The following COMMD7 variants were observed in gnomAD, a reference collection of about 807,000 sequenced individuals.
The protein encoded by COMMD7 is COMM domain containing 7.
In COMMD7, 28 loss-of-function variants were observed where a neutral mutation model predicts 34.8. The observed-to-expected ratio is 0.80, with a 90% CI of 0.60 to 1.10. The LOEUF (loss-of-function observed/expected upper bound fraction) is 1.10. Ranked by LOEUF, COMMD7 falls within the 50% of genes least tolerant of loss-of-function variation. The probability of loss-of-function intolerance (pLI) is 0.00; values close to 1 mark genes in which losing one functional copy is unlikely to be tolerated. For missense variants in COMMD7, 211 were observed against 241.6 expected (o/e 0.87, Z 0.84); for synonymous variants, 80 against 86.4 (o/e 0.93, Z 0.41).
chr20:32,722,836 A>G (rs1985254662), intron 3 of COMMD7, among the ~76,000 whole-genome samples: 1 of 151,200 alleles, frequency 6.6e-6, no homozygotes, highest in African/African-American at 2.4e-5. Flanking sequence ...CCTGGCTAAC[A>G]CGGTGAAACC....
rs1039267538 is a variant in COMMD7 at position 32,741,524 on chromosome 20, G to A, written c.84+1784C>T. ...TCCTGCCTTAGCCTCCAGAGTAGCC[G>A]GGACTACAAGTGCCCGCCACTACAC... On this transcript the variant is annotated intron_variant, in intron 1 of 8. Coordinates refer to ENST00000278980, the MANE Select transcript of COMMD7 (RefSeq NM_053041.3). Among the ~76,000 whole-genome samples the A allele has an allele frequency of 7.3e-5, 11 of 151,436 alleles. No individual in the cohort carries two copies. The East Asian group carries it at 7.8e-4, about 11-fold the overall frequency.
chr20:32,734,461 G>A (rs1986029842), intron 1 of COMMD7, among the ~76,000 whole-genome samples: 2 of 151,774 alleles, frequency 1.3e-5, no homozygotes, highest in Admixed American at 1.3e-4. Context: ...GACAGAGCTT[G>A]ACTCCGTCTC....
At chr20:32,706,210 A>AG (rs1555822275) in intron 5 of COMMD7, among the ~76,000 whole-genome samples, 6 of 151,716 alleles carry the variant, frequency 4.0e-5, no homozygotes, top group South Asian at 2.1e-4. Flanking sequence ...AAAAAAAAAA[A>AG]AAAGAAAGAA....
intron 1 of COMMD7, among the ~76,000 whole-genome samples, chr20:32,728,393 A>G (rs1985642381): frequency 6.6e-6 from 1 of 152,044 alleles, no homozygotes; most frequent in African/African-American, 2.4e-5. Flanking sequence ...CTGTAAGCAT[A>G]TGCACTCAGA....
intron 8 of COMMD7, 42 bp from the exon 9 acceptor site, chr20:32,703,500 C>T (rs1427854275): frequency 1.3e-6 from 2 of 1,586,910 alleles, no homozygotes; most frequent in Non-Finnish European, 1.7e-6. Flanking sequence ...GTTTCCAACT[C>T]CACAGAATCA....
Position 32,728,100 on chromosome 20 carries a change from CAGTT to C in COMMD7, c.123_126del (p.Thr42SerfsTer30), listed in dbSNP as rs1453203654. 6.2e-7 allele frequency: 1 copy of C among 1,614,060 alleles called. No homozygotes were observed. Among genetic ancestry groups the C allele is most frequent in the Non-Finnish European group, 8.5e-7 (1 of 1,180,010 alleles). On this transcript the variant is annotated frameshift_variant, in exon 2 of 9. Transcript: ENST00000278980. LOFTEE classifies it high-confidence loss of function. ...AATGTTTTATTTACCTCTTTTGGCT[CAGTT>C]AGGAAGTGGAAAAGCACCTCTGTCA...
At chr20:32,720,324 G>A (rs994920590) in intron 3 of COMMD7, among the ~76,000 whole-genome samples, 2 of 152,022 alleles carry the variant, frequency 1.3e-5, no homozygotes, top group Non-Finnish European at 2.9e-5. Context: ...GTGAAACCCC[G>A]TCTGTACTAA....
In COMMD7 at chr20:32,725,431, G is replaced by GTTTTTTTTT. The variant is rs56381432; in HGVS notation, c.241+2453_241+2461dup. ...TCTCTATAGCTCTATACTGTGTTTT[G>GTTTTTTTTT]TTTTTTTTTTTTTTTGAGACGGAGT... On this transcript the variant is annotated intron_variant, in intron 3 of 8. Transcript: ENST00000278980. Among the ~76,000 whole-genome samples, 4 of 129,948 alleles carry GTTTTTTTTT rather than the reference G, an allele frequency of 3.1e-5. 1 individual carries two copies. The highest frequency in any genetic ancestry group is 8.3e-5 in the Admixed American group (1 of 12,120). The allele number at this position is 129,948 out of a possible 152,430, so 85.3% of individuals were successfully genotyped here. A position where few individuals can be genotyped will look rare whatever the true frequency, so the allele number is the denominator to read the frequency against.
chr20:32,705,355 T>A (rs1331259057), intron 5 of COMMD7, among the ~76,000 whole-genome samples: 1 of 107,680 alleles, frequency 9.3e-6, no homozygotes, highest in African/African-American at 3.6e-5. Context: ...TATATGTGTG[T>A]GTGTATATAT....
At chr20:32,729,445 G>T (rs1166714616) in intron 1 of COMMD7, among the ~76,000 whole-genome samples, 2 of 151,556 alleles carry the variant, frequency 1.3e-5, no homozygotes, top group Non-Finnish European at 2.9e-5. Context: ...TGGGATTATA[G>T]GTATGACCCA....
intron 8 of COMMD7, chr20:32,703,672 A>G: frequency 1.4e-6 from 2 of 1,435,364 alleles, no homozygotes; most frequent in Non-Finnish European, 1.8e-6. Flanking sequence ...GAGTGTTCAA[A>G]TGGCACAGCT....
Position 32,726,172 on chromosome 20 carries a change from G to A in COMMD7, c.241+1721C>T, listed in dbSNP as rs138218048. ...TGGGGAGCCAAGGCGGGTGGATCAC[G>A]AGGTCAGGAGTTCAAGACCACCAGC... On this transcript the variant is annotated intron_variant, in intron 3 of 8. Coordinates refer to ENST00000278980, the MANE Select transcript of COMMD7 (RefSeq NM_053041.3). Among the ~76,000 whole-genome samples the A allele has an allele frequency of 4.4e-3, 666 of 151,594 alleles. 5 individuals carry two copies. The highest frequency in any genetic ancestry group is 0.015 in the African/African-American group (626 of 41,324).
At position 32,704,020 on chromosome 20, in the gene COMMD7, C is replaced by T. The variant is rs61684036; in HGVS notation, c.526+3G>A. 6,404 of 1,613,748 alleles carry T rather than the reference C, an allele frequency of 4.0e-3. 223 individuals carry two copies. In the African/African-American group the frequency reaches 0.075, roughly 19 times the overall value. Reference sequence around the variant, plus strand: ...AGAGGCTCAAGTGGGAATTCAGACTCACCTATATACACATTTTCGGTTTGA... The same window carrying T: ...AGAGGCTCAAGTGGGAATTCAGACTTACCTATATACACATTTTCGGTTTGA... On this transcript the variant is annotated splice_donor_region_variant and intron_variant, in intron 8 of 8. Transcript: ENST00000278980.
intron 1 of COMMD7, among the ~76,000 whole-genome samples, chr20:32,731,728 A>T (rs1046201820): frequency 6.6e-6 from 1 of 152,236 alleles, no homozygotes; most frequent in Non-Finnish European, 1.5e-5. Context: ...GTAAGTGCAC[A>T]GTATTTGCTG....
intron 3 of COMMD7, among the ~76,000 whole-genome samples, chr20:32,709,351 A>C (rs570047430): frequency 6.6e-6 from 1 of 151,876 alleles, no homozygotes; most frequent in African/African-American, 2.4e-5. Flanking sequence ...TGCAGTGAGC[A>C]GAGACGGCAC....
intron 1 of COMMD7, among the ~76,000 whole-genome samples, chr20:32,740,644 C>T (rs942549634): frequency 2.6e-5 from 4 of 152,034 alleles, no homozygotes; most frequent in African/African-American, 7.2e-5. Context: ...ACAAAACCAG[C>T]CTGGGCAACA....
chr20:32,715,151 C>G (rs1323868899), intron 3 of COMMD7, among the ~76,000 whole-genome samples: 1 of 151,850 alleles, frequency 6.6e-6, no homozygotes, highest in Admixed American at 6.6e-5. Flanking sequence ...CTGGGCAACA[C>G]AGCCAGACCT....
At chr20:32,727,346 T>C (rs6119939) in intron 3 of COMMD7, among the ~76,000 whole-genome samples, 103,482 of 150,916 alleles carry the variant, frequency 0.69, 36,203 homozygotes, top group Middle Eastern at 0.82. Context: ...CAAGGGATCA[T>C]GACCATCTTG....
At chr20:32,707,292 A>ATATAT (rs1208406589) in intron 3 of COMMD7, among the ~76,000 whole-genome samples, 4 of 92,458 alleles carry the variant, frequency 4.3e-5, no homozygotes, top group Non-Finnish European at 7.9e-5. Context: ...TCAAAAAAAA[A>ATATAT]AAATATATAT....
Sources: gnomAD v4.1 joint callset for allele counts (sites outside exome capture counted in the v4.1 genomes callset) on GRCh38, gnomAD v4.1.1 for gene constraint, MANE v1.5 for transcripts, NCBI Gene and HGNC (gene_info 2026-07-23, HGNC 2026-07-21) for gene names.